Variants in XPR1 observed in about 807,000 individuals in gnomAD.
XPR1 encodes the protein solute carrier family 53 member 1.
XPR1 carries 28 observed loss-of-function variants against 87.5 expected under a neutral mutation model. The ratio of observed to expected loss-of-function variants is 0.32; its 90% confidence interval spans 0.24 to 0.44. The LOEUF (loss-of-function observed/expected upper bound fraction) is 0.44. XPR1 is among the 20% of genes least tolerant of loss of function. The probability of loss-of-function intolerance (pLI) is 1.00; values close to 1 mark genes in which losing one functional copy is unlikely to be tolerated. For missense variants in XPR1, 559 were observed against 862.3 expected (o/e 0.65, Z 4.41); for synonymous variants, 300 against 306.1 (o/e 0.98, Z 0.21).
At chr1:180,730,579 T>C (rs372105696) in intron 2 of XPR1, among the ~76,000 whole-genome samples, 3 of 152,370 alleles carry the variant, frequency 2.0e-5, no homozygotes, top group East Asian at 3.9e-4. Context: ...TGCCAGAGTC[T>C]GGCAGCCAGG....
chr1:180,766,508 TA>T, intron 2 of XPR1, among the ~76,000 whole-genome samples: 1 of 152,102 alleles, frequency 6.6e-6, no homozygotes, highest in African/African-American at 2.4e-5. Context: ...AGATGTAAAC[TA>T]AAGGGAAGAA....
intron 7 of XPR1, among the ~76,000 whole-genome samples, chr1:180,815,468 T>C (rs1334959166): frequency 6.6e-6 from 1 of 152,188 alleles, no homozygotes; most frequent in East Asian, 1.9e-4. Flanking sequence ...GATAACAGTG[T>C]TGAGAGTCAA....
chr1:180,680,413 T>G (rs1045518716), intron 1 of XPR1, among the ~76,000 whole-genome samples: 1 of 132,704 alleles, frequency 7.5e-6, no homozygotes, highest in African/African-American at 2.9e-5. Flanking sequence ...GTCGCCAGAC[T>G]GGGATGCAGT....
At chr1:180,721,337 G>A (rs914935023) in intron 2 of XPR1, among the ~76,000 whole-genome samples, 1 of 151,718 alleles carries the variant, frequency 6.6e-6, no homozygotes, top group African/African-American at 2.4e-5. Flanking sequence ...TCTTTTTGGT[G>A]CCATTTGTTG....
At chr1:180,639,224 G>T (rs1232637520) in intron 1 of XPR1, among the ~76,000 whole-genome samples, 1 of 151,894 alleles carries the variant, frequency 6.6e-6, no homozygotes, top group Non-Finnish European at 1.5e-5. Flanking sequence ...GGAGGCGGAG[G>T]TTGCAGTGAG....
chr1:180,682,727 G>A (rs911449584), intron 2 of XPR1, among the ~76,000 whole-genome samples: 4 of 150,636 alleles, frequency 2.7e-5, no homozygotes, highest in Admixed American at 6.6e-5. Context: ...TCCTTCCTCC[G>A]TCCATAAATT....
intron 11 of XPR1, among the ~76,000 whole-genome samples, chr1:180,846,437 GTTTATTTA>G (rs145900970): frequency 2.9e-5 from 4 of 137,996 alleles, no homozygotes; most frequent in African/African-American, 1.1e-4. Flanking sequence ...TTTTGTTTTT[GTTTATTTA>G]TTTATTTTTT....
chr1:180,753,607 A>G (rs902662052), intron 2 of XPR1, among the ~76,000 whole-genome samples: 1 of 151,642 alleles, frequency 6.6e-6, no homozygotes, highest in Admixed American at 6.6e-5. Flanking sequence ...CTTTAGTTGC[A>G]TTACTAATAA....
intron 2 of XPR1, among the ~76,000 whole-genome samples, chr1:180,706,084 T>C (rs907590060): frequency 1.3e-5 from 2 of 152,216 alleles, no homozygotes; most frequent in Non-Finnish European, 2.9e-5. Flanking sequence ...TGGAGGGTTA[T>C]CACTGGAGAA....
intron 7 of XPR1, among the ~76,000 whole-genome samples, chr1:180,811,838 T>C (rs1286325074): frequency 1.3e-5 from 2 of 152,206 alleles, no homozygotes; most frequent in Admixed American, 6.5e-5. Flanking sequence ...ACAAAACTCA[T>C]TCACAAAGCT....
chr1:180,875,557 ATG>A (rs1652635577), intron 13 of XPR1, among the ~76,000 whole-genome samples: 1 of 151,978 alleles, frequency 6.6e-6, no homozygotes, highest in South Asian at 2.1e-4. Context: ...GTAATTGAAA[ATG>A]TGATAAAAGA....
At chr1:180,779,832 C>T (rs1648867757) in intron 2 of XPR1, among the ~76,000 whole-genome samples, 1 of 152,120 alleles carries the variant, frequency 6.6e-6, no homozygotes, top group African/African-American at 2.4e-5. Context: ...CCCGCTCCTC[C>T]TACCCCCAGC....
intron 2 of XPR1, among the ~76,000 whole-genome samples, chr1:180,765,457 G>A (rs903199453): frequency 5.3e-5 from 8 of 151,898 alleles, no homozygotes; most frequent in Non-Finnish European, 1.0e-4. Flanking sequence ...ATCTTTCTTA[G>A]CCTCCGAAAA....
At chr1:180,847,558 A>T (rs1651726686) in intron 11 of XPR1, among the ~76,000 whole-genome samples, 1 of 152,140 alleles carries the variant, frequency 6.6e-6, no homozygotes, top group Admixed American at 6.5e-5. Flanking sequence ...CCCACCTCAT[A>T]AGTTTATTAT....
chr1:180,794,630 T>C (rs1238796110), intron 3 of XPR1, among the ~76,000 whole-genome samples: 2 of 152,182 alleles, frequency 1.3e-5, no homozygotes, highest in African/African-American at 4.8e-5. Context: ...AGGAAAAGCC[T>C]TTAGAAGAAG....
rs1653010218 is a variant in XPR1, at chr1:180,886,316, A to G, written c.*2250A>G. ...GTCCAGTGGACCAGGCATTTCTTAT[A>G]TAAATAAAATTGGTGGTACTAATGT... On this transcript the variant is annotated 3_prime_UTR_variant, in exon 15 of 15. Transcript: ENST00000367590. 6.6e-6 allele frequency: 1 copy of G among 152,256 alleles called. No individual in the cohort carries two copies. The allele number at this position is 152,256 out of a possible 1,614,324, so 9.4% of individuals were successfully genotyped here.
In XPR1 at chr1:180,654,251, TCTACTAAAACTA is replaced by T. The variant is rs887528437; in HGVS notation, c.69+21984_69+21995del. Among the ~76,000 whole-genome samples, 51 of 152,192 alleles carry T rather than the reference TCTACTAAAACTA, an allele frequency of 3.4e-4. 1 individual carries two copies. The highest frequency in any genetic ancestry group is 1.1e-3 in the African/African-American group (44 of 41,530). ...TCTAACCTAGCTTCTGCCCCATCAC[TCTACTAAAACTA>T]CTTTCTTGCAAGTTGCTAGAGAGCA... On this transcript the variant is annotated intron_variant, in intron 1 of 14. Coordinates refer to ENST00000367590, the MANE Select transcript of XPR1 (RefSeq NM_004736.4).
At chr1:180,736,025 T>G (rs1235973714) in intron 2 of XPR1, among the ~76,000 whole-genome samples, 1 of 151,858 alleles carries the variant, frequency 6.6e-6, no homozygotes, top group Non-Finnish European at 1.5e-5. Flanking sequence ...CCTCATGGAG[T>G]CTATAACCTC....
intron 1 of XPR1, among the ~76,000 whole-genome samples, chr1:180,654,591 G>C (rs1020673675): frequency 3.3e-5 from 5 of 151,850 alleles, no homozygotes; most frequent in African/African-American, 1.2e-4. Flanking sequence ...TCTAGTTCCT[G>C]GCAACCACCA....
Sources: gnomAD v4.1 joint callset for allele counts (sites outside exome capture counted in the v4.1 genomes callset) on GRCh38, gnomAD v4.1.1 for gene constraint, MANE v1.5 for transcripts, NCBI Gene and HGNC (gene_info 2026-07-23, HGNC 2026-07-21) for gene names.